The following KCNIP1 variants were observed in gnomAD, a reference collection of about 807,000 sequenced individuals.
KCNIP1 encodes A-type potassium channel modulatory protein KCNIP1.
KCNIP1 carries 18 observed loss-of-function variants against 33.0 expected under a neutral mutation model. The observed-to-expected ratio is 0.55, with a 90% CI of 0.38 to 0.81. The LOEUF is 0.81. KCNIP1 is among the 30% of genes least tolerant of loss of function. KCNIP1 has a pLI of 0.00. For missense variants in KCNIP1, 238 were observed against 271.6 expected (o/e 0.88, Z 0.87); for synonymous variants, 93 against 98.3 (o/e 0.95, Z 0.32).
chr5:170,652,498 A>AAAAAGG (rs33995162), intron 1 of KCNIP1, among the ~76,000 whole-genome samples: 13 of 103,052 alleles, frequency 1.3e-4, no homozygotes, highest in African/African-American at 4.7e-4. Flanking sequence ...AAAAAAAAAA[A>AAAAAGG]AAGGAAGGAA....
chr5:170,698,176 A>G (rs1173638998), intron 1 of KCNIP1, among the ~76,000 whole-genome samples: 1 of 152,074 alleles, frequency 6.6e-6, no homozygotes, highest in Non-Finnish European at 1.5e-5. Context: ...GTACCCGGGT[A>G]TCACAGGCCT....
chr5:170,636,898 C>T (rs985020250), intron 1 of KCNIP1, among the ~76,000 whole-genome samples: 1 of 152,110 alleles, frequency 6.6e-6, no homozygotes, highest in African/African-American at 2.4e-5. Flanking sequence ...TGTGAAACAA[C>T]CTCCTCAAGG....
At chr5:170,424,600 A>G (rs946550529) in intron 1 of KCNIP1, among the ~76,000 whole-genome samples, 1 of 152,156 alleles carries the variant, frequency 6.6e-6, no homozygotes, top group Non-Finnish European at 1.5e-5. Flanking sequence ...ATACTGATCC[A>G]AAGGATTTGG....
chr5:170,617,239 GCATTGTGGA>G (rs1027858824), intron 1 of KCNIP1, among the ~76,000 whole-genome samples: 1 of 152,092 alleles, frequency 6.6e-6, no homozygotes, highest in African/African-American at 2.4e-5. Flanking sequence ...TCAGACTGGG[GCATTGTGGA>G]CAAGAAGGGT....
chr5:170,364,543 G>A (rs1245684095), intron 1 of KCNIP1, among the ~76,000 whole-genome samples: 1 of 152,052 alleles, frequency 6.6e-6, no homozygotes, highest in African/African-American at 2.4e-5. Context: ...CCTCTCAGTG[G>A]CCTGTGACTT....
chr5:170,472,982 C>T (rs1255382036), intron 1 of KCNIP1, among the ~76,000 whole-genome samples: 2 of 152,122 alleles, frequency 1.3e-5, no homozygotes, highest in Non-Finnish European at 1.5e-5. Context: ...GTAGTTCTAC[C>T]TCTAGTACTT....
At chr5:170,394,258 A>T (rs1380337950) in intron 1 of KCNIP1, among the ~76,000 whole-genome samples, 1 of 152,180 alleles carries the variant, frequency 6.6e-6, no homozygotes, top group Non-Finnish European at 1.5e-5. Flanking sequence ...CTGCTTCCGC[A>T]TGCTGGGAGC....
intron 1 of KCNIP1, among the ~76,000 whole-genome samples, chr5:170,549,990 C>T (rs866269632): frequency 1.4e-5 from 2 of 145,042 alleles, no homozygotes; most frequent in Admixed American, 6.6e-5. Context: ...GAGTATACAT[C>T]GGTGAATAAA....
chr5:170,354,512 A>G (rs1426437104), intron 1 of KCNIP1, among the ~76,000 whole-genome samples: 1 of 152,120 alleles, frequency 6.6e-6, no homozygotes, highest in African/African-American at 2.4e-5. Flanking sequence ...CTGGGGCTTC[A>G]TTCATCGTTC....
At chr5:170,718,473 A>T (rs544666561) in intron 1 of KCNIP1, among the ~76,000 whole-genome samples, 16 of 152,334 alleles carry the variant, frequency 1.1e-4, no homozygotes, top group Admixed American at 9.8e-4. Context: ...TTTTTAAAGC[A>T]AGGAAAATGT....
intron 1 of KCNIP1, among the ~76,000 whole-genome samples, chr5:170,547,370 T>C (rs561902297): frequency 6.6e-6 from 1 of 152,342 alleles, no homozygotes; most frequent in Admixed American, 6.5e-5. Flanking sequence ...AAATTTCCTT[T>C]TTTTAACTTT....
intron 5 of KCNIP1, among the ~76,000 whole-genome samples, chr5:170,730,774 A>G (rs1764166497): frequency 6.6e-6 from 1 of 152,096 alleles, no homozygotes; most frequent in Admixed American, 6.5e-5. Context: ...TGATTCTAAG[A>G]TTGGGAAAGA....
chr5:170,501,451 C>A (rs989664344), upstream of KCNIP1, among the ~76,000 whole-genome samples: 1 of 152,200 alleles, frequency 6.6e-6, no homozygotes, highest in Non-Finnish European at 1.5e-5. Context: ...CCTCATAATT[C>A]ATGTTCAATG....
chr5:170,554,381 TGTCACTCCAG>T (rs1756767846), intron 1 of KCNIP1, among the ~76,000 whole-genome samples: 1 of 152,188 alleles, frequency 6.6e-6, no homozygotes. Context: ...ATTTTCTGGT[TGTCACTCCAG>T]GATTTTAGTT....
intron 7 of KCNIP1, among the ~76,000 whole-genome samples, chr5:170,734,842 G>T (rs558484794): frequency 2.0e-5 from 3 of 152,342 alleles, no homozygotes; most frequent in African/African-American, 7.2e-5. Context: ...AACTAGAATG[G>T]AATGAACACT....
chr5:170,521,927 G>A (rs1166751124), intron 1 of KCNIP1, among the ~76,000 whole-genome samples: 1 of 152,194 alleles, frequency 6.6e-6, no homozygotes, highest in African/African-American at 2.4e-5. Flanking sequence ...CTTCCATCTT[G>A]TTGCTCCCCC....
intron 1 of KCNIP1, among the ~76,000 whole-genome samples, chr5:170,705,412 AGCT>A (rs1763225608): frequency 6.6e-6 from 1 of 152,182 alleles, no homozygotes; most frequent in Non-Finnish European, 1.5e-5. Context: ...TGACTTCTTC[AGCT>A]AAGAGATGGC....
chr5:170,580,017 G>A (rs1308020406), intron 1 of KCNIP1, among the ~76,000 whole-genome samples: 2 of 151,988 alleles, frequency 1.3e-5, no homozygotes, highest in African/African-American at 4.8e-5. Context: ...GATATGCTTG[G>A]TGCTTTCTGT....
intron 1 of KCNIP1, among the ~76,000 whole-genome samples, chr5:170,623,277 G>A (rs28711076): frequency 0.097 from 14,693 of 151,218 alleles, 794 homozygotes; most frequent in South Asian, 0.12. Context: ...GCAATGGCAC[G>A]ATCTCGACTC....
Sources: gnomAD v4.1 joint callset for allele counts (sites outside exome capture counted in the v4.1 genomes callset) on GRCh38, gnomAD v4.1.1 for gene constraint, MANE v1.5 for transcripts, NCBI Gene and HGNC (gene_info 2026-07-23, HGNC 2026-07-21) for gene names.